The following KDM6A variants were observed in gnomAD, a reference collection of about 807,000 sequenced individuals.
KDM6A encodes lysine-specific demethylase 6A.
KDM6A carries 11 observed loss-of-function variants against 117.6 expected under a neutral mutation model. The observed-to-expected ratio is 0.09, with a 90% confidence interval of 0.06 to 0.15. The LOEUF is 0.15. Among genes scored for constraint, KDM6A ranks in the 10% least tolerant of loss-of-function variants. The probability of loss-of-function intolerance (pLI) is 1.00; values close to 1 mark genes in which losing one functional copy is unlikely to be tolerated. For synonymous variants in KDM6A, 384 were observed against 396.1 expected, an observed-to-expected ratio of 0.97 and a Z score of 0.36; for missense variants, 799 against 1,077.3, an observed-to-expected ratio of 0.74 and a Z score of 3.62.
chrX:44,969,916 C>T (rs1415304108), intron 3 of KDM6A, among the ~76,000 whole-genome samples: 1 of 112,380 alleles, frequency 8.9e-6, no homozygotes, highest in East Asian at 2.8e-4. Context: ...TGATTTCCCT[C>T]ATTCTGTATT....
At position 44,873,606 on chromosome X, in the gene KDM6A, G is replaced by A. The variant is rs1459076968; in HGVS notation, c.55G>A (p.Gly19Ser). Residue 19 changes from glycine (G) to serine (S), a missense_variant, in exon 1 of 30, where the codon GGT becomes AGT. Gly to Ser is a moderately conservative substitution (Grantham distance 56, BLOSUM62 0). Transcript: ENST00000611820. ...ATAAAAAAAF[G>S]DEEKKMAAGK... ...CGCCGCCGCTGCCGCCGCCGCTTTC[G>A]GTGATGAGGAAAAGAAAATGGCGGC... The A allele has an allele frequency of 8.3e-7, 1 of 1,204,855 alleles. No individual in the cohort carries two copies. The highest frequency in any genetic ancestry group is 1.1e-6 in the Non-Finnish European group (1 of 892,711).
chrX:45,046,873 T>C (rs1403800273), intron 8 of KDM6A, among the ~76,000 whole-genome samples: 1 of 110,571 alleles, frequency 9.0e-6, no homozygotes, highest in Non-Finnish European at 1.9e-5. Flanking sequence ...ATCATAAAGG[T>C]ATTGTTCTTA....
chrX:45,071,739 T>G (rs375220787), intron 18 of KDM6A, among the ~76,000 whole-genome samples: 6 of 96,928 alleles, frequency 6.2e-5, no homozygotes, highest in Admixed American at 2.3e-4. Context: ...GTGTTTTCTT[T>G]TCTTTTCTTG....
At chrX:44,964,087 C>T (rs752185734) in intron 3 of KDM6A, among the ~76,000 whole-genome samples, 3 of 110,470 alleles carry the variant, frequency 2.7e-5, no homozygotes, top group Non-Finnish European at 5.7e-5. Context: ...TTTCAATTTA[C>T]TTTCCCGAGA....
intron 2 of KDM6A, among the ~76,000 whole-genome samples, chrX:44,913,278 A>C (rs1479439961): frequency 9.7e-6 from 1 of 103,461 alleles, no homozygotes; most frequent in East Asian, 3.1e-4. Flanking sequence ...TATAATACAT[A>C]TACCAAATAT....
intron 2 of KDM6A, among the ~76,000 whole-genome samples, chrX:44,886,062 G>A (rs2032836597): frequency 9.1e-6 from 1 of 110,245 alleles, no homozygotes; most frequent in Admixed American, 9.8e-5. Context: ...GAAAATACTG[G>A]TAGTTTTTTT....
intron 8 of KDM6A, among the ~76,000 whole-genome samples, chrX:45,039,460 G>C (rs1265883974): frequency 9.3e-6 from 1 of 107,258 alleles, no homozygotes; most frequent in Non-Finnish European, 1.9e-5. Flanking sequence ...TCCTGTGAAG[G>C]TAATGTGGGC....
chrX:44,966,564 GTAATC>G (rs752997812), intron 3 of KDM6A, among the ~76,000 whole-genome samples: 2 of 111,137 alleles, frequency 1.8e-5, no homozygotes, highest in South Asian at 7.5e-4. Context: ...GCTGGTGAGA[GTAATC>G]TAGTAAGGTG....
chrX:44,888,275 A>G lies in KDM6A; in HGVS notation c.225+14288A>G, dbSNP rs755564654. Among the ~76,000 whole-genome samples, 221 of 112,537 alleles carry G rather than the reference A, an allele frequency of 2.0e-3. 1 individual carries two copies. The highest frequency in any genetic ancestry group is 7.3e-3 in the South Asian group (20 of 2,750). On this transcript the variant is annotated intron_variant, in intron 2 of 29. Coordinates refer to ENST00000611820, the MANE Select transcript of KDM6A (RefSeq NM_001291415.2). ...AGCCGAGATCCTGCCACTGCACTCCAGCCTAGGCGACAGAGCGAGACTCCC... is the reference window on the plus strand; with the variant it reads ...AGCCGAGATCCTGCCACTGCACTCCGGCCTAGGCGACAGAGCGAGACTCCC...
chrX:44,906,980 A>G lies in KDM6A; in HGVS notation c.225+32993A>G, dbSNP rs2034716496. Among the ~76,000 whole-genome samples, 3 of 109,806 alleles carry G rather than the reference A, an allele frequency of 2.7e-5. No homozygotes were observed. The South Asian group carries it at 1.1e-3, about 42-fold the overall frequency. ...ACATTGCCAGTGCTGACATTTCTTC[A>G]TTTTTCTATTTTAGACATTTTCCTA... On this transcript the variant is annotated intron_variant, in intron 2 of 29. Coordinates refer to ENST00000611820, the MANE Select transcript of KDM6A (RefSeq NM_001291415.2).
intron 2 of KDM6A, among the ~76,000 whole-genome samples, chrX:44,896,493 A>C (rs2033864732): frequency 9.0e-6 from 1 of 111,647 alleles, no homozygotes; most frequent in Admixed American, 9.5e-5. Flanking sequence ...TTCCTTAGTA[A>C]GCAGAACTAA....
chrX:44,900,412 G>A (rs182542189), intron 2 of KDM6A, among the ~76,000 whole-genome samples: 2 of 111,918 alleles, frequency 1.8e-5, no homozygotes, highest in African/African-American at 6.5e-5. Context: ...TGTACATGTA[G>A]TAAAGTTCTA....
chrX:44,931,498 G>T (rs770790953), intron 2 of KDM6A, among the ~76,000 whole-genome samples: 1 of 111,948 alleles, frequency 8.9e-6, no homozygotes, highest in South Asian at 3.7e-4. Flanking sequence ...GGAAAACGTG[G>T]CATATACATA....
intron 6 of KDM6A, among the ~76,000 whole-genome samples, chrX:45,032,503 T>G (rs1212408037): frequency 8.9e-6 from 1 of 112,110 alleles, no homozygotes; most frequent in Non-Finnish European, 1.9e-5. Flanking sequence ...TTCTGTAAGT[T>G]CTTTCATTGT....
intron 2 of KDM6A, among the ~76,000 whole-genome samples, chrX:44,958,624 T>C (rs1245879936): frequency 3.1e-5 from 3 of 96,075 alleles, no homozygotes; most frequent in Non-Finnish European, 2.1e-5. Flanking sequence ...TTTTTTTTTT[T>C]TTTTTGCTGT....
Position 45,100,410 on chromosome X carries a change from A to G in KDM6A, c.4035-7000A>G, listed in dbSNP as rs142394837. On this transcript the variant is annotated intron_variant, in intron 27 of 29. Transcript: ENST00000611820. ...GTTAGTGCAATGGTAGTATGTTTTC[A>G]ATACATTGGAAACTTTGGTTTATTC... is the stretch of plus-strand genomic sequence containing the variant. Among the ~76,000 whole-genome samples, 528 of 112,144 alleles carry G rather than the reference A, an allele frequency of 4.7e-3. 4 individuals are homozygous for G. Among genetic ancestry groups the G allele is most frequent in the African/African-American group, 0.017 (509 of 30,839 alleles).
intron 7 of KDM6A, 63 bp downstream of exon 7, chrX:45,035,048 A>G: frequency 1.1e-6 from 1 of 878,977 alleles, no homozygotes; most frequent in Admixed American, 2.2e-5. Flanking sequence ...GCAAATAACA[A>G]TAATGTTAGT....
chrX:44,909,494 G>C (rs2034944786), intron 2 of KDM6A, among the ~76,000 whole-genome samples: 1 of 110,235 alleles, frequency 9.1e-6, no homozygotes, highest in Admixed American at 9.7e-5. Context: ...CCACCCAAAT[G>C]ATTATATTTT....
chrX:45,037,152 C>G (rs1368046609), intron 7 of KDM6A, among the ~76,000 whole-genome samples: 4 of 112,358 alleles, frequency 3.6e-5, no homozygotes, highest in Admixed American at 1.9e-4. Flanking sequence ...TTTTCAACAC[C>G]AGGCTCCTTA....
Sources: allele counts gnomAD v4.1 joint callset (sites outside exome capture counted in the v4.1 genomes callset), GRCh38; gene constraint gnomAD v4.1.1; transcripts MANE v1.5; gene names NCBI Gene and HGNC (gene_info 2026-07-23, HGNC 2026-07-21).